Variants in UPK1B observed in about 807,000 individuals in gnomAD.
UPK1B encodes the protein uroplakin-1b.
Under a neutral mutation model 34.2 loss-of-function variants are expected in UPK1B, and 28 were observed. That is an observed-to-expected ratio of 0.82 (90% confidence interval 0.61 to 1.12). UPK1B has a LOEUF of 1.12. Ranked by LOEUF, UPK1B falls within the 50% of genes most tolerant of loss-of-function variation. UPK1B has a pLI of 0.00. For missense variants in UPK1B, 325 were observed against 320.9 expected (o/e 1.01, Z -0.10); for synonymous variants, 81 against 110.4 (o/e 0.73, Z 1.67).
Position 119,186,763 on chromosome 3 carries a change from G to C in UPK1B, c.22G>C (p.Val8Leu), listed in dbSNP as rs745378204. The change falls in exon 2 of 8, where the codon GTT becomes CTT. Residue 8 changes from valine to leucine, a missense_variant. By Grantham distance (32) the Val-to-Leu change is conservative. Transcript: ENST00000264234. ...GAAGATGGCCAAAGACAACTCAACT[G>C]TTCGTTGCTTCCAGGGCCTGCTGAT... MAKDNST[V>L]RCFQGLLIFG... 2 of 1,614,010 alleles carry C rather than the reference G, an allele frequency of 1.2e-6. No individual in the cohort carries two copies. Among genetic ancestry groups the C allele is most frequent in the Non-Finnish European group, 1.7e-6 (2 of 1,180,010 alleles).
intron 1 of UPK1B, among the ~76,000 whole-genome samples, chr3:119,175,377 T>C (rs2077951899): frequency 6.6e-6 from 1 of 152,058 alleles, no homozygotes; most frequent in African/African-American, 2.4e-5. Context: ...TTAACCAGAG[T>C]AAACACCAGC....
In UPK1B at chr3:119,204,006, C is replaced by T; in HGVS notation, c.*39C>T. 1 of 1,608,910 alleles carries T rather than the reference C, an allele frequency of 6.2e-7. No homozygotes were observed. ...CCACCATACCTCCTTCCCCGAGTGA[C>T]TCTGGATTTGGTGCTGGAACCAGCT... On this transcript the variant is annotated 3_prime_UTR_variant, in exon 8 of 8. Coordinates refer to ENST00000264234, the MANE Select transcript of UPK1B (RefSeq NM_006952.4).
chr3:119,173,689 G>C (rs1349504926), intron 1 of UPK1B, 51 bp downstream of exon 1: 1 of 152,252 alleles, frequency 6.6e-6, no homozygotes, highest in Non-Finnish European at 1.5e-5. Context: ...TCAAGGGCTG[G>C]GTTGCTCTCC....
At chr3:119,197,022 A>AGAT (rs34078076) in intron 6 of UPK1B, among the ~76,000 whole-genome samples, 42,438 of 151,868 alleles carry the variant, frequency 0.28, 6,053 homozygotes, top group Middle Eastern at 0.39. Context: ...TATTTTTTGT[A>AGAT]GAGATGAGGT....
chr3:119,175,523 G>A (rs916135877), intron 1 of UPK1B, among the ~76,000 whole-genome samples: 8 of 42,890 alleles, frequency 1.9e-4, no homozygotes, highest in South Asian at 1.7e-3. Context: ...CGCCCTACCC[G>A]CCTGCCCACC....
intron 3 of UPK1B, among the ~76,000 whole-genome samples, chr3:119,189,055 C>A (rs1410120976): frequency 6.6e-6 from 1 of 152,150 alleles, no homozygotes; most frequent in Non-Finnish European, 1.5e-5. Flanking sequence ...TCACTTGCAT[C>A]CCAGCCTCAC....
At chr3:119,193,913 T>C (rs1222995588) in intron 5 of UPK1B, among the ~76,000 whole-genome samples, 1 of 152,160 alleles carries the variant, frequency 6.6e-6, no homozygotes, top group Non-Finnish European at 1.5e-5. Context: ...AAAAACTCTA[T>C]GAGATAGGTA....
chr3:119,203,818 T>C, intron 7 of UPK1B, 99 bp from the exon 8 acceptor site: 1 of 1,235,934 alleles, frequency 8.1e-7, no homozygotes, highest in East Asian at 2.4e-5. Context: ...AAATCTGTTG[T>C]CACCTAAGCC....
chr3:119,203,863 A>G (rs369195775), intron 7 of UPK1B, 54 bp from the exon 8 acceptor site: 245 of 1,558,422 alleles, frequency 1.6e-4, no homozygotes, highest in Non-Finnish European at 2.1e-4. Context: ...TCCAAGAATG[A>G]GATGTTTCTA....
chr3:119,189,619 A>G (rs1480494003), intron 3 of UPK1B, among the ~76,000 whole-genome samples: 1 of 152,228 alleles, frequency 6.6e-6, no homozygotes, highest in Non-Finnish European at 1.5e-5. Flanking sequence ...CAACTGAACC[A>G]ATGTACTTTG....
intron 1 of UPK1B, among the ~76,000 whole-genome samples, chr3:119,180,194 ATGC>A (rs970142461): frequency 7.9e-5 from 12 of 152,334 alleles, no homozygotes; most frequent in Non-Finnish European, 1.8e-4. Context: ...TAGGGCAGAA[ATGC>A]TGCTTCTTCA....
At chr3:119,197,094 A>G (rs2078071038) in intron 6 of UPK1B, among the ~76,000 whole-genome samples, 1 of 152,188 alleles carries the variant, frequency 6.6e-6, no homozygotes. Context: ...AGGATCTACA[A>G]TGCACAAATG....
chr3:119,178,624 A>G (rs2107424018), intron 1 of UPK1B, among the ~76,000 whole-genome samples: 1 of 152,370 alleles, frequency 6.6e-6, no homozygotes, highest in South Asian at 2.1e-4. Flanking sequence ...ACCAAAAACT[A>G]GATTTTAGCA....
At chr3:119,173,876 C>T (rs1162225793) in intron 1 of UPK1B, among the ~76,000 whole-genome samples, 1 of 152,142 alleles carries the variant, frequency 6.6e-6, no homozygotes, top group African/African-American at 2.4e-5. Flanking sequence ...TCTCATTAAA[C>T]TTCTGGAGAT....
At chr3:119,202,526 C>T (rs2078095675) in intron 7 of UPK1B, among the ~76,000 whole-genome samples, 1 of 152,206 alleles carries the variant, frequency 6.6e-6, no homozygotes, top group Non-Finnish European at 1.5e-5. Context: ...ATTCACTGCT[C>T]TAGCTTGGGG....
Position 119,203,806 on chromosome 3 carries a change from A to AC in UPK1B, c.733-111_733-110insC, listed in dbSNP as rs1345137138. 32 of 1,141,874 alleles carry AC rather than the reference A, an allele frequency of 2.8e-5. 1 individual carries two copies. Among genetic ancestry groups the AC allele is most frequent in the South Asian group, 2.0e-4 (15 of 73,450 alleles). 70.7% of individuals were successfully genotyped at this position (1,141,874 alleles called of 1,614,324 possible). A position where few individuals can be genotyped will look rare whatever the true frequency, so the allele number is the denominator to read the frequency against. ...AGAAGAAATAAAAACAAACAAACAAAAAAATCTGTTGTCACCTAAGCCTGA... is the reference window on the plus strand; with the variant it reads ...AGAAGAAATAAAAACAAACAAACAAACAAAATCTGTTGTCACCTAAGCCTGA... On this transcript the variant is annotated intron_variant, in intron 7 of 7. Transcript: ENST00000264234.
intron 6 of UPK1B, among the ~76,000 whole-genome samples, chr3:119,194,950 C>T (rs888530593): frequency 3.3e-5 from 5 of 152,164 alleles, no homozygotes; most frequent in African/African-American, 1.2e-4. Context: ...AATGTGATTA[C>T]GATCATGAAA....
Position 119,197,200 on chromosome 3 carries a change from G to A in UPK1B, c.649-1857G>A, listed in dbSNP as rs551757928. On this transcript the variant is annotated intron_variant, in intron 6 of 7. Transcript: ENST00000264234. Reference sequence around the variant, plus strand: ...TAGAATTTCACACAGCATGTCAGATGCAAATATATATATATTCTATGTTAT... The same window carrying A: ...TAGAATTTCACACAGCATGTCAGATACAAATATATATATATTCTATGTTAT... Among the ~76,000 whole-genome samples the A allele has an allele frequency of 2.0e-5, 3 of 152,124 alleles. No individual in the cohort carries two copies. The South Asian group carries it at 6.2e-4, about 32-fold the overall frequency.
Position 119,190,245 on chromosome 3 carries a change from T to C in UPK1B, c.271T>C (p.Tyr91His), listed in dbSNP as rs764794142. 3.1e-6 allele frequency: 5 copies of C among 1,595,738 alleles called. No individual in the cohort carries two copies. In the African/African-American group the frequency reaches 5.4e-5, roughly 17 times the overall value. ...TTTATCTCATTTATTTCCCTTCCAG[T>C]ATTTCATTCTGATGTTTATAGTATA... Reference protein sequence around the residue: ...MKSSRKILLAYFILMFIVYAF... With the variant: ...MKSSRKILLAHFILMFIVYAF... Residue 91 changes from tyrosine (Y) to histidine (H), a missense_variant and splice_region_variant, in exon 4 of 8, where the codon TAT becomes CAT. Transcript: ENST00000264234.
Sources: allele counts gnomAD v4.1 joint callset (sites outside exome capture counted in the v4.1 genomes callset), GRCh38; gene constraint gnomAD v4.1.1; transcripts MANE v1.5; gene names NCBI Gene and HGNC (gene_info 2026-07-23, HGNC 2026-07-21).